Variants in ERGIC1 observed in about 807,000 individuals in gnomAD.
ERGIC1 encodes endoplasmic reticulum-Golgi intermediate compartment protein 1.
A neutral mutation model predicts 38.3 loss-of-function variants in ERGIC1; 19 were observed. The observed-to-expected ratio is 0.50, with a 90% CI of 0.35 to 0.73. ERGIC1 has a LOEUF of 0.73. Ranked by LOEUF, ERGIC1 falls within the 30% of genes least tolerant of loss-of-function variation. The pLI, the probability that ERGIC1 is intolerant of heterozygous loss-of-function variation, is 0.01. For missense variants in ERGIC1, 294 were observed against 389.2 expected (o/e 0.76, Z 2.06); for synonymous variants, 124 against 157.6 (o/e 0.79, Z 1.60).
intron 6 of ERGIC1, among the ~76,000 whole-genome samples, chr5:172,924,694 C>CA (rs969957534): frequency 8.6e-5 from 13 of 152,028 alleles, no homozygotes; most frequent in African/African-American, 3.1e-4. Context: ...CGTGCAGGGG[C>CA]AAAACAGAAG....
intron 1 of ERGIC1, among the ~76,000 whole-genome samples, chr5:172,852,393 A>G (rs746645881): frequency 2.1e-4 from 32 of 152,092 alleles, no homozygotes; most frequent in Non-Finnish European, 3.2e-4. Flanking sequence ...ACACTTCCTC[A>G]TACAGTCTTC....
chr5:172,896,976 G>A, intron 2 of ERGIC1, 26 bp from the exon 3 acceptor site: 1 of 1,612,136 alleles, frequency 6.2e-7, no homozygotes, highest in Non-Finnish European at 8.5e-7. Flanking sequence ...ACCCTTAACA[G>A]TTTGCATTTC....
At chr5:172,945,841 T>C (rs879228457) in intron 9 of ERGIC1, among the ~76,000 whole-genome samples, 1 of 152,124 alleles carries the variant, frequency 6.6e-6, no homozygotes, top group Non-Finnish European at 1.5e-5. Context: ...CCTGCCACCA[T>C]GCCCAGCTAA....
At chr5:172,845,038 GTATA>G (rs199895954) in intron 1 of ERGIC1, among the ~76,000 whole-genome samples, 6 of 95,306 alleles carry the variant, frequency 6.3e-5, no homozygotes, top group South Asian at 8.2e-4. Context: ...GGACGCAGGG[GTATA>G]TAGGGGGGAC....
At chr5:172,856,693 C>T (rs1761557542) in intron 1 of ERGIC1, among the ~76,000 whole-genome samples, 1 of 152,178 alleles carries the variant, frequency 6.6e-6, no homozygotes, top group Non-Finnish European at 1.5e-5. Flanking sequence ...CACCGAAAGT[C>T]TTTTGGTATG....
chr5:172,854,160 C>T (rs1761480938), intron 1 of ERGIC1, among the ~76,000 whole-genome samples: 1 of 151,682 alleles, frequency 6.6e-6, no homozygotes, highest in East Asian at 1.9e-4. Flanking sequence ...ACAGGAGGAT[C>T]ACCTGAGTCC....
rs534281816 is a variant in ERGIC1, at chr5:172,839,457, G to A, written c.20+5024G>A. 3.3e-5 allele frequency among the ~76,000 whole-genome samples: 5 copies of A among 151,938 alleles called. No homozygotes were observed. In the South Asian group the frequency reaches 1.0e-3, roughly 32 times the overall value. ...TGTGCGTCTGTGGTCCCAGCTTCTTGGGAGGCTGAGGTGGAAGGATCTCTT... is the reference window on the plus strand; with the variant it reads ...TGTGCGTCTGTGGTCCCAGCTTCTTAGGAGGCTGAGGTGGAAGGATCTCTT... On this transcript the variant is annotated intron_variant, in intron 1 of 9. Transcript: ENST00000393784.
intron 3 of ERGIC1, among the ~76,000 whole-genome samples, chr5:172,904,067 A>G (rs1232102226): frequency 2.0e-5 from 3 of 152,182 alleles, no homozygotes; most frequent in Non-Finnish European, 4.4e-5. Flanking sequence ...GCAGTCATCC[A>G]GCAGCCCTGT....
chr5:172,893,156 G>A (rs577884669), intron 2 of ERGIC1, among the ~76,000 whole-genome samples: 4 of 151,926 alleles, frequency 2.6e-5, no homozygotes, highest in South Asian at 2.1e-4. Flanking sequence ...GTTTTGTTTC[G>A]TTTTTTTTGA....
In ERGIC1 at chr5:172,893,905, A is replaced by ATGTGTGTGTGTGTGTG. The variant is rs1554110394; in HGVS notation, c.83-3081_83-3066dup. ...TATATATATATATATATATATATAT[A>ATGTGTGTGTGTGTGTG]TGTGTGTGTGTGTGTGTGTGTGTGT... On this transcript the variant is annotated intron_variant, in intron 2 of 9. Coordinates refer to ENST00000393784, the MANE Select transcript of ERGIC1 (RefSeq NM_001031711.3). Among the ~76,000 whole-genome samples the ATGTGTGTGTGTGTGTG allele has an allele frequency of 5.5e-3, 86 of 15,520 alleles. 4 individuals carry two copies. Among genetic ancestry groups the ATGTGTGTGTGTGTGTG allele is most frequent in the South Asian group, 0.022 (4 of 178 alleles). The allele number at this position is 15,520 out of a possible 152,430, so 10.2% of individuals were successfully genotyped here. A position where few individuals can be genotyped will look rare whatever the true frequency, so the allele number is the denominator to read the frequency against.
intron 1 of ERGIC1, among the ~76,000 whole-genome samples, chr5:172,856,941 A>T (rs1761563504): frequency 1.3e-5 from 2 of 152,222 alleles, no homozygotes; most frequent in Non-Finnish European, 2.9e-5. Context: ...TGCCTGAAGC[A>T]TACTGCAGGC....
At chr5:172,840,650 G>A (rs114739575) in intron 1 of ERGIC1, among the ~76,000 whole-genome samples, 1 of 152,178 alleles carries the variant, frequency 6.6e-6, no homozygotes, top group Non-Finnish European at 1.5e-5. Context: ...CATCACTCCT[G>A]CATGACCTTC....
chr5:172,854,526 AC>A (rs1761494608), intron 1 of ERGIC1, among the ~76,000 whole-genome samples: 1 of 152,146 alleles, frequency 6.6e-6, no homozygotes, highest in Non-Finnish European at 1.5e-5. Context: ...TTCTGCAGGC[AC>A]CCCCACCCAC....
At chr5:172,858,997 C>A (rs1761628633) in intron 1 of ERGIC1, among the ~76,000 whole-genome samples, 1 of 152,222 alleles carries the variant, frequency 6.6e-6, no homozygotes, top group South Asian at 2.1e-4. Flanking sequence ...GATTTTGAGG[C>A]TTTCTTAGCC....
At chr5:172,850,129 C>T (rs1424313070) in intron 1 of ERGIC1, among the ~76,000 whole-genome samples, 1 of 152,144 alleles carries the variant, frequency 6.6e-6, no homozygotes, top group African/African-American at 2.4e-5. Context: ...CCCAACAAGC[C>T]AGGTGGCAGG....
At chr5:172,911,107 C>T (rs1340251584) in intron 4 of ERGIC1, among the ~76,000 whole-genome samples, 1 of 152,078 alleles carries the variant, frequency 6.6e-6, no homozygotes, top group Admixed American at 6.5e-5. Context: ...TGCTGCAGGC[C>T]CTTCTCTCCC....
At chr5:172,844,357 T>C (rs1761235042) in intron 1 of ERGIC1, among the ~76,000 whole-genome samples, 1 of 152,254 alleles carries the variant, frequency 6.6e-6, no homozygotes, top group Admixed American at 6.5e-5. Context: ...ACAGATGCCC[T>C]GATTTTTCAA....
intron 1 of ERGIC1, among the ~76,000 whole-genome samples, chr5:172,883,336 C>A (rs1203769547): frequency 6.6e-6 from 1 of 152,174 alleles, no homozygotes; most frequent in Non-Finnish European, 1.5e-5. Flanking sequence ...ACTCAACTTT[C>A]TTCAGGTGTC....
intron 7 of ERGIC1, among the ~76,000 whole-genome samples, chr5:172,927,304 CTTA>C (rs1466035810): frequency 1.3e-5 from 2 of 152,150 alleles, no homozygotes; most frequent in East Asian, 3.8e-4. Flanking sequence ...CACATCTTTT[CTTA>C]TTATTTCCTG....
Sources: allele counts gnomAD v4.1 joint callset (sites outside exome capture counted in the v4.1 genomes callset), GRCh38; gene constraint gnomAD v4.1.1; transcripts MANE v1.5; gene names NCBI Gene and HGNC (gene_info 2026-07-23, HGNC 2026-07-21).